The following ANXA8 variants were observed in gnomAD, a reference collection of about 807,000 sequenced individuals.
ANXA8 encodes VAC-beta.
A neutral mutation model predicts 26.8 loss-of-function variants in ANXA8; 9 were observed. That is an observed-to-expected ratio of 0.34 (90% confidence interval 0.20 to 0.59). The LOEUF (loss-of-function observed/expected upper bound fraction) is 0.59, where lower values mean the gene tolerates loss of function less well. Among genes scored for constraint, ANXA8 ranks in the 20% least tolerant of loss-of-function variants. ANXA8 has a pLI of 0.84. For synonymous variants in ANXA8, 39 were observed against 94.8 expected, an observed-to-expected ratio of 0.41 and a Z score of 3.42; for missense variants, 83 against 238.5, an observed-to-expected ratio of 0.35 and a Z score of 4.29.
chr10:47,648,089 G>A, the ANXA8 span, among the ~76,000 whole-genome samples: 1 of 151,950 alleles, frequency 6.6e-6, no homozygotes, highest in South Asian at 2.1e-4. Flanking sequence ...CACTTTCTGG[G>A]GCTCTGAAAA....
At chr10:47,674,523 G>A in the ANXA8 span, among the ~76,000 whole-genome samples, 1 of 151,522 alleles carries the variant, frequency 6.6e-6, no homozygotes, top group African/African-American at 2.4e-5. Context: ...TTGAGGTAGT[G>A]TTTGTGTATT....
At chr10:47,682,975 T>A in the ANXA8 span, among the ~76,000 whole-genome samples, 1 of 152,354 alleles carries the variant, frequency 6.6e-6, no homozygotes, top group East Asian at 1.9e-4. Flanking sequence ...TACAGATGTC[T>A]CACTTGAATA....
the ANXA8 span, among the ~76,000 whole-genome samples, chr10:47,897,079 G>A: frequency 8.9e-6 from 1 of 112,728 alleles, no homozygotes; most frequent in Non-Finnish European, 1.8e-5. Context: ...TATAGGCGCA[G>A]CACCACCATG....
chr10:47,658,242 C>T, the ANXA8 span, among the ~76,000 whole-genome samples: 2 of 151,600 alleles, frequency 1.3e-5, no homozygotes, highest in Non-Finnish European at 2.9e-5. Context: ...GTGGCACGCA[C>T]CTGTAGTCCC....
chr10:47,555,415 C>T, the ANXA8 span, among the ~76,000 whole-genome samples: 13 of 151,596 alleles, frequency 8.6e-5, 1 homozygote, highest in Middle Eastern at 3.4e-3. Flanking sequence ...CTAGTAGCTG[C>T]TCCTCCTATA....
the ANXA8 span, among the ~76,000 whole-genome samples, chr10:47,603,374 G>C: frequency 1.3e-5 from 2 of 149,888 alleles, no homozygotes; most frequent in African/African-American, 5.1e-5. Flanking sequence ...TAGAAAGCCA[G>C]GCACTGATAA....
At chr10:47,907,172 G>C in the ANXA8 span, among the ~76,000 whole-genome samples, 1 of 151,640 alleles carries the variant, frequency 6.6e-6, no homozygotes, top group Non-Finnish European at 1.5e-5. Flanking sequence ...TGGCTAACAC[G>C]GTGAAACCCC....
the ANXA8 span, among the ~76,000 whole-genome samples, chr10:47,686,536 G>A: frequency 2.0e-5 from 3 of 151,948 alleles, no homozygotes; most frequent in East Asian, 5.8e-4. Flanking sequence ...ATAATTGTCA[G>A]TTTGTTTTTC....
At chr10:47,487,244 G>A (rs1226921112), upstream of ANXA8, 6 of 1,243,130 alleles carry the variant, frequency 4.8e-6, no homozygotes, top group Admixed American at 1.2e-4. Flanking sequence ...TTTTTATTGA[G>A]ACTGGGGAAG....
chr10:47,510,686 C>T, the ANXA8 span, among the ~76,000 whole-genome samples: 554 of 113,082 alleles, frequency 4.9e-3, 45 homozygotes, highest in East Asian at 0.036. Flanking sequence ...AAAAATTAGC[C>T]GGGCGTGGTA....
the ANXA8 span, among the ~76,000 whole-genome samples, chr10:47,589,839 A>C: frequency 6.9e-6 from 1 of 144,876 alleles, no homozygotes; most frequent in Non-Finnish European, 1.5e-5. Context: ...CAGATTCTCC[A>C]CTAGATCTAA....
the ANXA8 span, among the ~76,000 whole-genome samples, chr10:47,888,982 ATGTGTGTGTGTGTGTGTG>A: frequency 9.8e-6 from 1 of 102,232 alleles, no homozygotes; most frequent in Admixed American, 1.0e-4. Context: ...TATAATATAT[ATGTGTGTGTGTGTGTGTG>A]TGTGTGTGTG....
chr10:47,671,100 T>C, the ANXA8 span, among the ~76,000 whole-genome samples: 1 of 151,926 alleles, frequency 6.6e-6, no homozygotes, highest in East Asian at 1.9e-4. Flanking sequence ...TTTTTAACCA[T>C]GATAATGTAT....
At chr10:47,729,631 A>G in the ANXA8 span, among the ~76,000 whole-genome samples, 2 of 151,634 alleles carry the variant, frequency 1.3e-5, no homozygotes, top group South Asian at 4.2e-4. Context: ...TAACTGTGAT[A>G]AGAACTGTGG....
At chr10:47,980,616 A>G in the ANXA8 span, among the ~76,000 whole-genome samples, 6 of 150,634 alleles carry the variant, frequency 4.0e-5, no homozygotes, top group East Asian at 1.2e-3. Context: ...TTAAATTAAT[A>G]ATGTTTAGAG....
chr10:47,701,903 A>G, the ANXA8 span, among the ~76,000 whole-genome samples: 1 of 151,522 alleles, frequency 6.6e-6, no homozygotes, highest in East Asian at 1.9e-4. Context: ...AACAAACCTA[A>G]GTAGCTGTGG....
intron 11 of ANXA8, among the ~76,000 whole-genome samples, chr10:47,469,145 T>C (rs1479827390): frequency 3.5e-4 from 52 of 148,438 alleles, no homozygotes; most frequent in Middle Eastern, 3.4e-3. Context: ...ATGTGGAAAA[T>C]GAATCAGAGA....
chr10:47,535,616 T>A, the ANXA8 span, among the ~76,000 whole-genome samples: 3 of 145,656 alleles, frequency 2.1e-5, no homozygotes, highest in Non-Finnish European at 3.0e-5. Flanking sequence ...AACTTTTTTT[T>A]AATTATAGCA....
At chr10:47,520,397 G>A in the ANXA8 span, 1 of 1,129,948 alleles carries the variant, frequency 8.8e-7, no homozygotes, top group Non-Finnish European at 1.1e-6. Flanking sequence ...GTGAAAAGGT[G>A]AAAAATTTAA....
Sources: allele counts gnomAD v4.1 joint callset (sites outside exome capture counted in the v4.1 genomes callset), GRCh38; gene constraint gnomAD v4.1.1; transcripts MANE v1.5; gene names NCBI Gene and HGNC (gene_info 2026-07-23, HGNC 2026-07-21).